The following POP1 variants were observed in gnomAD, a reference collection of about 807,000 sequenced individuals.
The protein encoded by POP1 is POP1 ribonuclease P/MRP subunit, also known as ribonucleases P/MRP protein subunit POP1.
POP1 carries 75 observed loss-of-function variants against 102.2 expected under a neutral mutation model. The ratio of observed to expected loss-of-function variants is 0.73; its 90% confidence interval spans 0.61 to 0.89. POP1 has a LOEUF of 0.89. Ranked by LOEUF, POP1 falls within the 40% of genes least tolerant of loss-of-function variation. The pLI is 0.00. For synonymous variants in POP1, 436 were observed against 464.1 expected (o/e 0.94, Z 0.78); for missense variants, 1,116 against 1,267.4 (o/e 0.88, Z 1.81).
At chr8:98,126,360 A>T (rs1816206160) in intron 2 of POP1, among the ~76,000 whole-genome samples, 1 of 152,178 alleles carries the variant, frequency 6.6e-6, no homozygotes, top group African/African-American at 2.4e-5. Flanking sequence ...GAGCGCCGAC[A>T]TGACATGACA....
At chr8:98,124,378 A>G (rs1314535798) in intron 2 of POP1, among the ~76,000 whole-genome samples, 1 of 152,146 alleles carries the variant, frequency 6.6e-6, no homozygotes, top group Non-Finnish European at 1.5e-5. Flanking sequence ...AGTGGCCAAC[A>G]TGGCGAAACT....
rs1371883553 is a variant in POP1, at chr8:98,136,475, T to C, written c.1012-7T>C. 3.7e-6 allele frequency: 6 copies of C among 1,602,558 alleles called. No individual in the cohort carries two copies. Among genetic ancestry groups the C allele is most frequent in the Non-Finnish European group, 3.4e-6 (4 of 1,175,706 alleles). ...ATTTTAAAGTGAATGTTTAAATATA[T>C]TTTTAGGATATCTTAGAGGAAATAA... On this transcript the variant is annotated splice_region_variant and splice_polypyrimidine_tract_variant and intron_variant, in intron 7 of 15. Coordinates refer to ENST00000401707, the MANE Select transcript of POP1 (RefSeq NM_001145860.2).
chr8:98,121,700 T>G (rs1008582584), intron 1 of POP1, among the ~76,000 whole-genome samples: 7 of 144,072 alleles, frequency 4.9e-5, no homozygotes, highest in Admixed American at 7.0e-5. Flanking sequence ...TTTTTTTTTT[T>G]GAGATGGAGT....
chr8:98,121,078 T>C lies in POP1; in HGVS notation c.-2-2258T>C, dbSNP rs149999915. Among the ~76,000 whole-genome samples, 32 of 152,346 alleles carry C rather than the reference T, an allele frequency of 2.1e-4. No individual in the cohort carries two copies. In the East Asian group the frequency reaches 4.2e-3, roughly 20 times the overall value. On this transcript the variant is annotated intron_variant, in intron 1 of 15. Transcript: ENST00000401707. ...GATTACAGGCATAAGCCATCCCACC[T>C]GGCCTGTATATAATGTTTAATTCTC...
At chr8:98,123,033 T>G (rs1030448238) in intron 1 of POP1, among the ~76,000 whole-genome samples, 1 of 152,260 alleles carries the variant, frequency 6.6e-6, no homozygotes, top group African/African-American at 2.4e-5. Context: ...TAGGGTGTTC[T>G]GTATTTCATT....
chr8:98,151,652 T>C (rs1271084793), intron 14 of POP1, among the ~76,000 whole-genome samples: 1 of 152,134 alleles, frequency 6.6e-6, no homozygotes, highest in African/African-American at 2.4e-5. Flanking sequence ...TTGTAGTTCC[T>C]TGATGGTGAG....
At position 98,146,694 on chromosome 8, in the gene POP1, G is replaced by T. The variant is rs749458828; in HGVS notation, c.1710+11G>T. The T allele has an allele frequency of 5.1e-6, 8 of 1,554,926 alleles. No homozygotes were observed. In the East Asian group the frequency reaches 1.8e-4, roughly 35 times the overall value. The stretch of plus-strand genomic sequence containing the variant: ...AAAATCTCGGATCAGGTAACTAATA[G>T]TGTAAGGGTTATTGGTAAAGTCATG... On this transcript the variant is annotated intron_variant, in intron 12 of 15. Coordinates refer to ENST00000401707, the MANE Select transcript of POP1 (RefSeq NM_001145860.2).
chr8:98,121,949 C>T (rs1014600809), intron 1 of POP1, among the ~76,000 whole-genome samples: 8 of 151,990 alleles, frequency 5.3e-5, no homozygotes, highest in South Asian at 2.1e-4. Context: ...CCTCCCAAAG[C>T]GCTGGAATTA....
Position 98,150,519 on chromosome 8 carries a change from A to G in POP1, c.1937A>G (p.Glu646Gly). Residue 646 changes from glutamate (E) to glycine (G), a missense_variant, in exon 14 of 16, where the codon GAG becomes GGG. Glu to Gly is a moderately conservative substitution (Grantham distance 98, BLOSUM62 -2). Coordinates refer to ENST00000401707, the MANE Select transcript of POP1 (RefSeq NM_001145860.2). Reference sequence around the variant, plus strand: ...GGTGTGAGAGTCGGAGGGTTGAAAGAGTCTGCAGTGCATTCTCAGTATAAG... The same window carrying G: ...GGTGTGAGAGTCGGAGGGTTGAAAGGGTCTGCAGTGCATTCTCAGTATAAG... The part of the protein sequence containing the change: ...YRGVRVGGLK[E>G]SAVHSQYKRS... 2 of 1,614,070 alleles carry G rather than the reference A, an allele frequency of 1.2e-6. No individual in the cohort carries two copies. The highest frequency in any genetic ancestry group is 1.7e-6 in the Non-Finnish European group (2 of 1,179,986).
At chr8:98,156,019 A>C in intron 14 of POP1, 31 bp from the exon 15 acceptor site, 1 of 1,610,304 alleles carries the variant, frequency 6.2e-7, no homozygotes, top group East Asian at 2.2e-5. Flanking sequence ...TAAATTGTTC[A>C]ACATTGGTTC....
chr8:98,146,211 G>T (rs1816838533), intron 11 of POP1, among the ~76,000 whole-genome samples: 1 of 152,124 alleles, frequency 6.6e-6, no homozygotes, highest in Non-Finnish European at 1.5e-5. Context: ...AATTACAGGT[G>T]TGCACCACCA....
chr8:98,134,083 A>T (rs747005418), intron 6 of POP1, 47 bp downstream of exon 6: 7 of 1,385,304 alleles, frequency 5.1e-6, no homozygotes, highest in Non-Finnish European at 7.2e-6. Context: ...ATGTATATTT[A>T]TTCATTTCAT....
chr8:98,138,387 A>T (rs190337677), intron 9 of POP1, among the ~76,000 whole-genome samples: 45 of 152,110 alleles, frequency 3.0e-4, no homozygotes, highest in Non-Finnish European at 5.4e-4. Context: ...TCTCCCTTAG[A>T]GCCTTTGCAC....
At position 98,117,347 on chromosome 8, in the gene POP1, AGGCTT is replaced by A. The variant is rs2130562867; in HGVS notation, c.-44_-40del. ...TTTGGCTCGGTGGGTACTGTCGCGG[AGGCTT>A]GTCATTCTGACCCGGGGATTCCTCA... is the stretch of plus-strand genomic sequence containing the variant. On this transcript the variant is annotated 5_prime_UTR_variant, in exon 1 of 16. Transcript: ENST00000401707. The A allele has an allele frequency of 3.8e-6, 2 of 527,592 alleles. No individual in the cohort carries two copies. The highest frequency in any genetic ancestry group is 6.8e-5 in the East Asian group (2 of 29,620). 32.7% of individuals were successfully genotyped at this position (527,592 alleles called of 1,614,324 possible). A position where few individuals can be genotyped will look rare whatever the true frequency, so the allele number is the denominator to read the frequency against.
Position 98,156,900 on chromosome 8 carries a change from T to A in POP1, c.2420+488T>A, listed in dbSNP as rs921389802. On this transcript the variant is annotated intron_variant, in intron 15 of 15. Coordinates refer to ENST00000401707, the MANE Select transcript of POP1 (RefSeq NM_001145860.2). ...CCCTGCATTCTGTGCTTTGCTCTGATTTTTTTTTTTTTTTTTTTTGAGATG... is the reference window on the plus strand; with the variant it reads ...CCCTGCATTCTGTGCTTTGCTCTGAATTTTTTTTTTTTTTTTTTTGAGATG... Among the ~76,000 whole-genome samples, 4 of 115,510 alleles carry A rather than the reference T, an allele frequency of 3.5e-5. No homozygotes were observed. In the Admixed American group the frequency reaches 3.5e-4, roughly 10 times the overall value. The allele number at this position is 115,510 out of a possible 152,430, so 75.8% of individuals were successfully genotyped here.
At chr8:98,149,073 C>G in intron 13 of POP1, 67 bp downstream of exon 13, 2 of 1,410,530 alleles carry the variant, frequency 1.4e-6, no homozygotes, top group South Asian at 1.2e-5. Context: ...GCTAAGTACT[C>G]AAAATGTTCC....
chr8:98,150,595 G>C lies in POP1; in HGVS notation c.2013G>C (p.Leu671=), dbSNP rs142987843. The C allele has an allele frequency of 6.7e-3, 10,743 of 1,614,198 alleles. 40 individuals are homozygous for C. The highest frequency in any genetic ancestry group is 8.0e-3 in the Non-Finnish European group (9,476 of 1,180,030). Residue 671 remains leucine, a synonymous_variant, in exon 14 of 16, where the codon CTG becomes CTC. Transcript: ENST00000401707. ...GDFPDCPAGM[L]FAEEQAKNLL... ...TTCCAGACTGCCCTGCCGGGATGCT[G>C]TTTGCGGAAGAGCAAGCTAAGAATC...
chr8:98,134,712 T>C lies in POP1; in HGVS notation c.1011+53T>C, dbSNP rs997415874. 8.6e-6 allele frequency: 13 copies of C among 1,510,348 alleles called. No homozygotes were observed. The Admixed American group carries it at 2.2e-4, about 25-fold the overall frequency. The allele number at this position is 1,510,348 out of a possible 1,614,324, so 93.6% of individuals were successfully genotyped here. A position where few individuals can be genotyped will look rare whatever the true frequency, so the allele number is the denominator to read the frequency against. Reference sequence around the variant, plus strand: ...ATTCTGAAACTGCATTTTTAATTACTGCTGGAAGTCAATACTGTAGAAATG... The same window carrying C: ...ATTCTGAAACTGCATTTTTAATTACCGCTGGAAGTCAATACTGTAGAAATG... On this transcript the variant is annotated intron_variant, in intron 7 of 15. Coordinates refer to ENST00000401707, the MANE Select transcript of POP1 (RefSeq NM_001145860.2).
intron 14 of POP1, 200 bp from the exon 15 acceptor site, chr8:98,155,850 C>G (rs2130635113): frequency 1.7e-6 from 1 of 590,886 alleles, no homozygotes; most frequent in East Asian, 3.5e-5. Flanking sequence ...GCTGGGATTA[C>G]AGGCATGAGC....
Sources: allele counts gnomAD v4.1 joint callset (sites outside exome capture counted in the v4.1 genomes callset), GRCh38; gene constraint gnomAD v4.1.1; transcripts MANE v1.5; gene names NCBI Gene and HGNC (gene_info 2026-07-23, HGNC 2026-07-21).